Variants in NRG1 observed in about 807,000 individuals in gnomAD.
NRG1 encodes pro-neuregulin-1, membrane-bound isoform.
Under a neutral mutation model 63.8 loss-of-function variants are expected in NRG1, and 18 were observed. The observed-to-expected ratio is 0.28, with a 90% CI of 0.19 to 0.42. The LOEUF is 0.42. NRG1 is among the 10% of genes least tolerant of loss of function. The pLI, the probability that NRG1 is intolerant of heterozygous loss-of-function variation, is 1.00. For missense variants in NRG1, 762 were observed against 814.7 expected (o/e 0.94, Z 0.79); for synonymous variants, 302 against 301.3 (o/e 1.00, Z -0.02).
At chr8:32,479,833 A>G (rs969265073) in intron 1 of NRG1, among the ~76,000 whole-genome samples, 10 of 151,898 alleles carry the variant, frequency 6.6e-5, no homozygotes, top group Non-Finnish European at 1.3e-4. Flanking sequence ...CTATTTTGGC[A>G]GGGATAGGGT....
chr8:31,972,925 TC>T (rs1381017191), intron 1 of NRG1, among the ~76,000 whole-genome samples: 1 of 152,224 alleles, frequency 6.6e-6, no homozygotes, highest in Admixed American at 6.5e-5. Context: ...AAAAAAGTTC[TC>T]TTTATATGTG....
chr8:31,985,218 G>A (rs1397311912), intron 1 of NRG1, among the ~76,000 whole-genome samples: 1 of 152,030 alleles, frequency 6.6e-6, no homozygotes, highest in Non-Finnish European at 1.5e-5. Context: ...AGGAGAGAGA[G>A]GAGAGGTTAA....
chr8:31,991,635 C>T (rs1206166737), intron 1 of NRG1, among the ~76,000 whole-genome samples: 5 of 152,112 alleles, frequency 3.3e-5, no homozygotes, highest in South Asian at 4.1e-4. Context: ...GACACCAGAG[C>T]TGTCTGATTC....
chr8:32,563,747 A>G (rs1191081701), intron 1 of NRG1, among the ~76,000 whole-genome samples: 2 of 152,088 alleles, frequency 1.3e-5, no homozygotes, highest in African/African-American at 2.4e-5. Flanking sequence ...TATAGCTGAT[A>G]CTTCCATTTT....
chr8:32,239,047 G>A (rs1369334473), intron 1 of NRG1, among the ~76,000 whole-genome samples: 2 of 152,172 alleles, frequency 1.3e-5, no homozygotes, highest in East Asian at 3.9e-4. Context: ...TGTTAGCTAT[G>A]TGGCCAGAAA....
At chr8:31,712,971 GTCCATCCATCCACCCA>G (rs373082124) in intron 1 of NRG1, among the ~76,000 whole-genome samples, 7,456 of 146,126 alleles carry the variant, frequency 0.051, 248 homozygotes, top group Non-Finnish European at 0.064. Flanking sequence ...TCATCTCTCT[GTCCATCCATCCACCCA>G]TCCATCCATC....
chr8:31,899,857 AT>A (rs148246287), intron 1 of NRG1, among the ~76,000 whole-genome samples: 4,471 of 152,330 alleles, frequency 0.029, 213 homozygotes, highest in African/African-American at 0.1. Flanking sequence ...AATAGAATGA[AT>A]AAGAAGATAA....
intron 2 of NRG1, 56 bp from the exon 3 acceptor site, chr8:32,605,506 A>C: frequency 6.3e-7 from 1 of 1,598,244 alleles, no homozygotes. Context: ...GTATGTATTT[A>C]TATTTGTTGG....
intron 1 of NRG1, among the ~76,000 whole-genome samples, chr8:32,326,067 T>A (rs1326630978): frequency 1.3e-5 from 2 of 150,968 alleles, no homozygotes; most frequent in African/African-American, 2.4e-5. Flanking sequence ...CTGGGTGCAA[T>A]GGCGTGATCT....
At chr8:32,130,940 A>T (rs1171554676) in intron 1 of NRG1, among the ~76,000 whole-genome samples, 1 of 151,962 alleles carries the variant, frequency 6.6e-6, no homozygotes, top group Non-Finnish European at 1.5e-5. Context: ...ATATTTTTAA[A>T]GTCTAAATTA....
At chr8:31,761,701 G>A (rs1449518524) in intron 1 of NRG1, among the ~76,000 whole-genome samples, 1 of 152,090 alleles carries the variant, frequency 6.6e-6, no homozygotes, top group Non-Finnish European at 1.5e-5. Flanking sequence ...GTGCCCCAAA[G>A]CCATTATGGT....
intron 1 of NRG1, among the ~76,000 whole-genome samples, chr8:32,033,889 TACAG>T (rs962260777): frequency 3.3e-5 from 5 of 152,324 alleles, no homozygotes; most frequent in South Asian, 2.1e-4. Flanking sequence ...TCATGTCATC[TACAG>T]ACAAAGACAA....
chr8:32,116,596 C>T (rs1238395995), intron 1 of NRG1, among the ~76,000 whole-genome samples: 1 of 152,064 alleles, frequency 6.6e-6, no homozygotes, highest in African/African-American at 2.4e-5. Context: ...TTAGTATGTT[C>T]CTCATAAGTG....
intron 1 of NRG1, among the ~76,000 whole-genome samples, chr8:32,129,057 G>T (rs1260571044): frequency 1.3e-5 from 2 of 151,844 alleles, no homozygotes; most frequent in Non-Finnish European, 2.9e-5. Context: ...ACAATAGTCG[G>T]TTCTGCCTCT....
intron 1 of NRG1, among the ~76,000 whole-genome samples, chr8:31,647,567 C>T (rs945132818): frequency 5.3e-5 from 8 of 152,192 alleles, no homozygotes; most frequent in Non-Finnish European, 1.2e-4. Context: ...GTTTGCTTCA[C>T]ATAGAATTTC....
intron 1 of NRG1, among the ~76,000 whole-genome samples, chr8:32,215,017 G>T (rs924924337): frequency 1.3e-5 from 2 of 152,218 alleles, no homozygotes; most frequent in Admixed American, 1.3e-4. Context: ...GGACAGGGTT[G>T]CCTGAGGAAA....
rs144585040 is a variant in NRG1, at chr8:32,204,267, C to A, written c.38-391561C>A. Among the ~76,000 whole-genome samples, 5 of 152,300 alleles carry A rather than the reference C, an allele frequency of 3.3e-5. No individual in the cohort carries two copies. In the East Asian group the frequency reaches 9.6e-4, roughly 29 times the overall value. On this transcript the variant is annotated intron_variant, in intron 1 of 10. Coordinates refer to the NRG1 transcript ENST00000519301. The stretch of plus-strand genomic sequence containing the variant: ...TCTTACTTGGTATAAGACAGCAAAC[C>A]ATTGAAAGAGTTTGTGTAGAGGAGT...
rs546090015 is a variant in NRG1, at chr8:32,487,363, C to T, written c.38-108465C>T. Among the ~76,000 whole-genome samples, 7 of 152,128 alleles carry T rather than the reference C, an allele frequency of 4.6e-5. No individual in the cohort carries two copies. In the South Asian group the frequency reaches 1.4e-3, roughly 32 times the overall value. ...CGAAATGCAACTTGGATTCACTTGA[C>T]TTCTTAAGTCTTACAGAGAGAGAAA... On this transcript the variant is annotated intron_variant, in intron 1 of 10. Transcript: ENST00000519301.
intron 1 of NRG1, among the ~76,000 whole-genome samples, chr8:32,094,181 C>T (rs559703885): frequency 5.3e-5 from 8 of 152,248 alleles, no homozygotes; most frequent in Admixed American, 6.5e-5. Context: ...TGGAAAAACC[C>T]GGCTTTCATA....
Sources: gnomAD v4.1 joint callset for allele counts (sites outside exome capture counted in the v4.1 genomes callset) on GRCh38, gnomAD v4.1.1 for gene constraint, MANE v1.5 for transcripts, NCBI Gene and HGNC (gene_info 2026-07-23, HGNC 2026-07-21) for gene names.